Variants in HERC6 observed in about 807,000 individuals in gnomAD.
HERC6 encodes the protein probable E3 ubiquitin-protein ligase HERC6.
Under a neutral mutation model 114.5 loss-of-function variants are expected in HERC6, and 101 were observed. The ratio of observed to expected loss-of-function variants is 0.88; its 90% CI spans 0.75 to 1.04. The LOEUF (loss-of-function observed/expected upper bound fraction) is 1.04, where lower values mean the gene tolerates loss of function less well. Ranked by LOEUF, HERC6 falls within the 50% of genes least tolerant of loss-of-function variation. The pLI, the probability that HERC6 is intolerant of heterozygous loss-of-function variation, is 0.00. For missense variants in HERC6, 1,133 were observed against 1,230.9 expected (o/e 0.92, Z 1.19); for synonymous variants, 408 against 436.2 (o/e 0.94, Z 0.81).
chr4:88,383,382 T>G lies in HERC6; in HGVS notation c.359+2T>G. ...CAAGGAAATAAGTTTCACACCTAAG[T>G]AAGTGTTTCAACCCACTCCTTCATT... On this transcript the variant is annotated splice_donor_variant, in intron 2 of 22. Transcript: ENST00000264346. LOFTEE classifies it high-confidence loss of function. The G allele has an allele frequency of 6.7e-7, 1 of 1,485,970 alleles. No homozygotes were observed. 92.0% of individuals were successfully genotyped at this position (1,485,970 alleles called of 1,614,324 possible).
intron 15 of HERC6, among the ~76,000 whole-genome samples, chr4:88,425,405 T>G (rs999688857): frequency 5.3e-5 from 8 of 152,216 alleles, no homozygotes; most frequent in African/African-American, 1.9e-4. Context: ...TTATATAATA[T>G]GTATCTATTG....
intron 11 of HERC6, among the ~76,000 whole-genome samples, chr4:88,410,711 T>C (rs535159296): frequency 6.6e-6 from 1 of 152,260 alleles, no homozygotes; most frequent in South Asian, 2.1e-4. Context: ...CGCTTGCATG[T>C]GGGGCATTCA....
rs1018781291 is a variant in HERC6 at position 88,383,117 on chromosome 4, A to G, written c.200-104A>G. On this transcript the variant is annotated intron_variant, in intron 1 of 22. Coordinates refer to ENST00000264346, the MANE Select transcript of HERC6 (RefSeq NM_017912.4). ...CAAAAGACCATTGGAGGAGACAAGA[A>G]ATCTGGATGATCCTTCTTTTTGAAG... 6 of 1,437,790 alleles carry G rather than the reference A, an allele frequency of 4.2e-6. No individual in the cohort carries two copies. The African/African-American group carries it at 7.1e-5, about 17-fold the overall frequency. 89.1% of individuals were successfully genotyped at this position (1,437,790 alleles called of 1,614,324 possible). A position where few individuals can be genotyped will look rare whatever the true frequency, so the allele number is the denominator to read the frequency against.
chr4:88,405,589 T>C lies in HERC6; in HGVS notation c.1250T>C (p.Leu417Pro). The change falls in exon 10 of 23, where the codon CTG (leucine) becomes CCG (proline). Residue 417 changes from leucine to proline, a missense_variant. Leu to Pro is a moderately conservative substitution (Grantham distance 98). Coordinates refer to ENST00000264346, the MANE Select transcript of HERC6 (RefSeq NM_017912.4). ...ATGATATTTTCATCTCCTGCTTGTC[T>C]GACTGCAAGTTTTTTAAAGAAAAGG... ...IRMIFSSPACLTASFLKKRGT... is the reference protein window; with the variant it reads ...IRMIFSSPACPTASFLKKRGT... The C allele has an allele frequency of 6.5e-7, 1 of 1,538,414 alleles. No individual in the cohort carries two copies. The highest frequency in any genetic ancestry group is 8.8e-7 in the Non-Finnish European group (1 of 1,131,778).
intron 12 of HERC6, among the ~76,000 whole-genome samples, chr4:88,416,229 C>A (rs560416616): frequency 2.4e-4 from 36 of 152,300 alleles, no homozygotes; most frequent in African/African-American, 8.2e-4. Flanking sequence ...CACCAGCACA[C>A]CCTAGTCAAT....
chr4:88,431,856 G>A (rs1738251264), intron 17 of HERC6, among the ~76,000 whole-genome samples: 1 of 152,214 alleles, frequency 6.6e-6, no homozygotes, highest in Admixed American at 6.5e-5. Flanking sequence ...GGGATTACAG[G>A]TGTGAGCCAC....
intron 14 of HERC6, 64 bp downstream of exon 14, chr4:88,424,037 ATCT>A (rs780160637): frequency 6.4e-6 from 5 of 782,026 alleles, no homozygotes; most frequent in Non-Finnish European, 1.0e-5. Flanking sequence ...TTACTGTAGT[ATCT>A]GTAAAGGTAC....
chr4:88,428,676 C>A lies in HERC6; in HGVS notation c.2032C>A (p.Arg678=). The change falls in exon 16 of 23, where the codon CGA becomes AGA. Residue 678 remains arginine (R), a synonymous_variant. Coordinates refer to ENST00000264346, the MANE Select transcript of HERC6 (RefSeq NM_017912.4). ...ACCCAGATTTATACTTAGAGTCAGA[C>A]GAAGTCGCCTGGTTAAAGATGCTCT... ...PSPRFILRVR[R]SRLVKDALRQ... The A allele has an allele frequency of 6.2e-7, 1 of 1,603,810 alleles. No homozygotes were observed.
intron 8 of HERC6, chr4:88,399,091 A>G (rs143826999): frequency 6.6e-6 from 1 of 152,332 alleles, no homozygotes; most frequent in African/African-American, 2.4e-5. Context: ...AAAGGCCTTC[A>G]TAGTTATTTT....
intron 10 of HERC6, among the ~76,000 whole-genome samples, chr4:88,406,367 G>A (rs749026430): frequency 6.6e-6 from 1 of 152,180 alleles, no homozygotes; most frequent in East Asian, 1.9e-4. Context: ...TGGTCACTAG[G>A]TGGTACTCAC....
chr4:88,412,203 C>T (rs773000339), intron 11 of HERC6, among the ~76,000 whole-genome samples: 5 of 152,122 alleles, frequency 3.3e-5, no homozygotes, highest in African/African-American at 4.8e-5. Flanking sequence ...ATGATTTACA[C>T]GAGATCACCT....
chr4:88,441,390 C>T (rs1290297665), intron 22 of HERC6, among the ~76,000 whole-genome samples: 2 of 152,044 alleles, frequency 1.3e-5, no homozygotes, highest in Non-Finnish European at 2.9e-5. Context: ...TTCTTTTTTC[C>T]CCGTTTCAGA....
At chr4:88,392,346 T>G (rs1479041469) in intron 4 of HERC6, among the ~76,000 whole-genome samples, 1 of 150,364 alleles carries the variant, frequency 6.7e-6, no homozygotes, top group Non-Finnish European at 1.5e-5. Context: ...GGCATGAGGG[T>G]CTTGAAGCTT....
chr4:88,424,312 C>T (rs928661872), intron 14 of HERC6, among the ~76,000 whole-genome samples: 4 of 152,048 alleles, frequency 2.6e-5, no homozygotes, highest in East Asian at 1.9e-4. Flanking sequence ...CATGGTGAAA[C>T]GCTGTCTCTA....
At chr4:88,420,872 T>G (rs1452388536) in intron 13 of HERC6, among the ~76,000 whole-genome samples, 1 of 152,180 alleles carries the variant, frequency 6.6e-6, no homozygotes, top group East Asian at 1.9e-4. Context: ...ACAACATTTT[T>G]ATCACCCAAA....
chr4:88,429,151 C>G (rs1337353681), intron 16 of HERC6, among the ~76,000 whole-genome samples: 1 of 152,174 alleles, frequency 6.6e-6, no homozygotes, highest in African/African-American at 2.4e-5. Context: ...CTAGGCCTGG[C>G]TGGAGCAATT....
At chr4:88,425,237 T>C (rs1276589191) in intron 15 of HERC6, among the ~76,000 whole-genome samples, 1 of 152,342 alleles carries the variant, frequency 6.6e-6, no homozygotes, top group East Asian at 1.9e-4. Context: ...TTACCCTCTA[T>C]AGAGTTTGTA....
intron 15 of HERC6, 124 bp downstream of exon 15, chr4:88,424,826 A>G: frequency 1.6e-6 from 1 of 630,972 alleles, no homozygotes. Flanking sequence ...TTTATCTATC[A>G]CTTTTTTTCT....
intron 1 of HERC6, 35 bp downstream of exon 1, chr4:88,379,155 C>A (rs1299797309): frequency 6.7e-7 from 1 of 1,482,290 alleles, no homozygotes; most frequent in East Asian, 2.5e-5. Context: ...GGTGTGAGGA[C>A]CCCAGTACAT....
Sources: allele counts gnomAD v4.1 joint callset (sites outside exome capture counted in the v4.1 genomes callset), GRCh38; gene constraint gnomAD v4.1.1; transcripts MANE v1.5; gene names NCBI Gene and HGNC (gene_info 2026-07-23, HGNC 2026-07-21).